The following LRP2 variants were observed in gnomAD, a reference collection of about 807,000 sequenced individuals.
LRP2 encodes low-density lipoprotein receptor-related protein 2.
LRP2 carries 172 observed loss-of-function variants against 531.0 expected under a neutral mutation model. That is an observed-to-expected ratio of 0.32 (90% confidence interval 0.29 to 0.37). LRP2 has a LOEUF of 0.37. LRP2 is among the 10% of genes least tolerant of loss of function. LRP2 has a pLI of 1.00. For missense variants in LRP2, 5,167 were observed against 5,868.3 expected (o/e 0.88, Z 3.90); for synonymous variants, 1,992 against 2,027.6 (o/e 0.98, Z 0.47).
chr2:169,133,815 T>C (rs548709366), intron 76 of LRP2, among the ~76,000 whole-genome samples: 4 of 152,240 alleles, frequency 2.6e-5, no homozygotes, highest in African/African-American at 9.6e-5. Flanking sequence ...TTACTATTCC[T>C]TTGCACCCGT....
At chr2:169,134,202 A>G (rs1015649743) in intron 76 of LRP2, among the ~76,000 whole-genome samples, 8 of 72,620 alleles carry the variant, frequency 1.1e-4, no homozygotes, top group African/African-American at 1.5e-4. Context: ...AGCGGCTGCC[A>G]CTGCTTTAAT....
chr2:169,276,492 G>T (rs1044109538), intron 13 of LRP2, among the ~76,000 whole-genome samples: 3 of 151,874 alleles, frequency 2.0e-5, no homozygotes, highest in Non-Finnish European at 4.4e-5. Context: ...GTGACTTATT[G>T]GGTTAGCTAA....
chr2:169,142,988 C>A (rs1685778277), intron 70 of LRP2, among the ~76,000 whole-genome samples, 195 bp from the exon 71 acceptor site: 1 of 152,182 alleles, frequency 6.6e-6, no homozygotes, highest in Admixed American at 6.5e-5. Context: ...GATAGTCCCT[C>A]TCTGGGCCCT....
Position 169,362,324 on chromosome 2 carries a change from G to A in LRP2, c.76C>T (p.Gln26Ter). 1 of 1,560,318 alleles carries A rather than the reference G, an allele frequency of 6.4e-7. No homozygotes were observed. The highest frequency in any genetic ancestry group is 8.7e-7 in the Non-Finnish European group (1 of 1,153,016). ...LVACLAPASG[Q>*]ECDSAHFRCG... ...GAGGCTCTGGCTGGGCTCTTACCTT[G>A]GCCACTGGCCGGCGCTAGGCAGGCG... Residue 26 changes from glutamine (Q) to a stop codon, truncating the protein, a stop_gained, in exon 1 of 79, where the codon CAA becomes TAA. Coordinates refer to ENST00000649046, the MANE Select transcript of LRP2 (RefSeq NM_004525.3). LOFTEE classifies it high-confidence loss of function.
intron 67 of LRP2, 56 bp downstream of exon 67, chr2:169,152,743 G>C (rs1230852631): frequency 1.3e-6 from 2 of 1,598,580 alleles, no homozygotes; most frequent in African/African-American, 1.3e-5. Context: ...GAGTGCAGTA[G>C]AGAACTCTAA....
Position 169,240,615 on chromosome 2 carries a change from C to A in LRP2, c.4045+373G>T. On this transcript the variant is annotated intron_variant, in intron 25 of 78. Transcript: ENST00000649046. ...ACTTTAATCACAGCAACACAAATCC[C>A]TGGACTTCATTTTTTTGTGATAAGT... is the stretch of plus-strand genomic sequence containing the variant. The A allele has an allele frequency of 1.7e-5, 7 of 411,170 alleles. No homozygotes were observed. In the South Asian group the frequency reaches 2.3e-4, roughly 14 times the overall value. The allele number at this position is 411,170 out of a possible 1,614,324, so 25.5% of individuals were successfully genotyped here. A position where few individuals can be genotyped will look rare whatever the true frequency, so the allele number is the denominator to read the frequency against.
rs377646521 is a variant in LRP2, at chr2:169,243,587, T to C, written c.3431-65A>G. The C allele has an allele frequency of 3.6e-5, 58 of 1,592,828 alleles. 1 individual carries two copies. In the Middle Eastern group the frequency reaches 1.2e-3, roughly 32 times the overall value. On this transcript the variant is annotated intron_variant, in intron 22 of 78. Coordinates refer to ENST00000649046, the MANE Select transcript of LRP2 (RefSeq NM_004525.3). ...TGTGCAACAAGTACCAGAGCCAAAC[T>C]AAAAATGGCTAAATAGCTACAGAAG...
At chr2:169,329,179 A>T (rs1357447187) in intron 1 of LRP2, among the ~76,000 whole-genome samples, 2 of 152,238 alleles carry the variant, frequency 1.3e-5, no homozygotes, top group Non-Finnish European at 2.9e-5. Flanking sequence ...ATAAGACTAC[A>T]CTGGGTCTTT....
At chr2:169,318,551 A>C (rs1451195054) in intron 3 of LRP2, among the ~76,000 whole-genome samples, 1 of 152,230 alleles carries the variant, frequency 6.6e-6, no homozygotes, top group Non-Finnish European at 1.5e-5. Flanking sequence ...TCTCACTTCC[A>C]AATTGCTGGG....
At chr2:169,256,409 G>C (rs990353749) in intron 18 of LRP2, among the ~76,000 whole-genome samples, 173 bp from the exon 19 acceptor site, 1 of 151,754 alleles carries the variant, frequency 6.6e-6, no homozygotes, top group South Asian at 2.1e-4. Flanking sequence ...AGAAAGAGAC[G>C]GCTACTTTTC....
intron 25 of LRP2, 70 bp from the exon 26 acceptor site, chr2:169,239,845 C>T (rs1463299802): frequency 2.7e-5 from 37 of 1,369,596 alleles, no homozygotes; most frequent in Non-Finnish European, 3.8e-5. Context: ...CACTCTTATG[C>T]AATATTTATT....
chr2:169,362,488 G>T lies in LRP2; in HGVS notation c.-89C>A. ...ACCGGCAGCGCCTCTGCTAGCGAAC[G>T]CTCCTTTAGGTCTGCACCTCCGCCA... On this transcript the variant is annotated 5_prime_UTR_variant, in exon 1 of 79. Transcript: ENST00000649046. The T allele has an allele frequency of 8.6e-7, 1 of 1,164,558 alleles. No individual in the cohort carries two copies. The highest frequency in any genetic ancestry group is 1.9e-4 in the Middle Eastern group (1 of 5,264). 72.1% of individuals were successfully genotyped at this position (1,164,558 alleles called of 1,614,324 possible).
chr2:169,264,653 A>G (rs1001684897), intron 16 of LRP2, among the ~76,000 whole-genome samples: 1 of 152,080 alleles, frequency 6.6e-6, no homozygotes, highest in Non-Finnish European at 1.5e-5. Flanking sequence ...TAAGAAGGGG[A>G]AAATGCTACA....
In LRP2 at chr2:169,275,138, G is replaced by T. The variant is rs1417862459; in HGVS notation, c.1873C>A (p.Leu625Met). 6.2e-7 allele frequency: 1 copy of T among 1,613,612 alleles called. No individual in the cohort carries two copies. Among genetic ancestry groups the T allele is most frequent in the African/African-American group, 1.3e-5 (1 of 74,858 alleles). Residue 625 changes from leucine (L) to methionine (M), a missense_variant, in exon 14 of 79, where the codon CTG (leucine) becomes ATG (methionine). Around this residue, in one of 6 missense-constraint regions of LRP2, gnomAD observed 2,811 missense variants for 3,058.0 expected, o/e 0.92. Coordinates refer to ENST00000649046, the MANE Select transcript of LRP2 (RefSeq NM_004525.3). Reference protein sequence around the residue: ...FFTDWTKMAVLKANKFTETNP... With the variant: ...FFTDWTKMAVMKANKFTETNP... Reference sequence around the variant, plus strand: ...GTCTCTGTGAACTTGTTTGCCTTCAGCACGGCCATCTTTGTCCAATCTGTA... The same window carrying T: ...GTCTCTGTGAACTTGTTTGCCTTCATCACGGCCATCTTTGTCCAATCTGTA...
intron 45 of LRP2, among the ~76,000 whole-genome samples, chr2:169,197,488 A>C (rs1688044247): frequency 6.6e-6 from 1 of 152,234 alleles, no homozygotes; most frequent in South Asian, 2.1e-4. Context: ...TGGCAAAGTT[A>C]TCTTCGTATT....
chr2:169,245,718 T>C (rs1469712179), intron 21 of LRP2, among the ~76,000 whole-genome samples: 1 of 152,228 alleles, frequency 6.6e-6, no homozygotes, highest in Non-Finnish European at 1.5e-5. Context: ...CACCATTTCA[T>C]TGTTAATTTA....
At chr2:169,204,823 C>A (rs1457816705) in intron 41 of LRP2, among the ~76,000 whole-genome samples, 1 of 152,046 alleles carries the variant, frequency 6.6e-6, no homozygotes, top group East Asian at 1.9e-4. Flanking sequence ...ATGTAGACAC[C>A]AGCCATAATA....
In LRP2 at chr2:169,127,414, G is replaced by A. The variant is rs1227610244; in HGVS notation, c.*1249C>T. On this transcript the variant is annotated 3_prime_UTR_variant, in exon 79 of 79. Coordinates refer to ENST00000649046, the MANE Select transcript of LRP2 (RefSeq NM_004525.3). ...ATACCCACTATTTAAGAGGAGAGCTGGAAGCCAGGCACAGTGGCTCACGCC... is the reference window on the plus strand; with the variant it reads ...ATACCCACTATTTAAGAGGAGAGCTAGAAGCCAGGCACAGTGGCTCACGCC... 2.0e-5 allele frequency: 3 copies of A among 151,690 alleles called. No individual in the cohort carries two copies. The highest frequency in any genetic ancestry group is 7.3e-5 in the African/African-American group (3 of 41,232). The allele number at this position is 151,690 out of a possible 1,614,324, so 9.4% of individuals were successfully genotyped here.
chr2:169,288,688 T>C (rs764098576), intron 9 of LRP2, among the ~76,000 whole-genome samples: 1 of 152,126 alleles, frequency 6.6e-6, no homozygotes, highest in Non-Finnish European at 1.5e-5. Flanking sequence ...ATGGAAGTAG[T>C]TCAGTATTCA....
Sources: allele counts gnomAD v4.1 joint callset (sites outside exome capture counted in the v4.1 genomes callset), GRCh38; gene constraint gnomAD v4.1.1; regional missense constraint gnomAD v4.1.1; transcripts MANE v1.5; gene names NCBI Gene and HGNC (gene_info 2026-07-23, HGNC 2026-07-21).